The following PHEX variants were observed in gnomAD, a reference collection of about 807,000 sequenced individuals.
PHEX encodes the protein phosphate regulating endopeptidase X-linked, also known as phosphate-regulating neutral endopeptidase PHEX.
A neutral mutation model predicts 68.0 loss-of-function variants in PHEX; 16 were observed. The ratio of observed to expected loss-of-function variants is 0.24; its 90% CI spans 0.16 to 0.36. PHEX has a LOEUF of 0.36. PHEX is among the 10% of genes least tolerant of loss of function. The pLI is 1.00. For synonymous variants in PHEX, 208 were observed against 205.1 expected, an observed-to-expected ratio of 1.01 and a Z score of -0.12; for missense variants, 480 against 575.5, an observed-to-expected ratio of 0.83 and a Z score of 1.70.
chrX:22,230,565 TTGGCTCTC>T (rs1314154996), intron 20 of PHEX, among the ~76,000 whole-genome samples: 1 of 109,907 alleles, frequency 9.1e-6, no homozygotes, highest in Non-Finnish European at 1.9e-5. Flanking sequence ...GACTCATGAT[TTGGCTCTC>T]TGTTTGTCTG....
At chrX:22,224,084 G>GTGAT in intron 18 of PHEX, among the ~76,000 whole-genome samples, 1 of 111,736 alleles carries the variant, frequency 8.9e-6, no homozygotes, top group African/African-American at 3.2e-5. Flanking sequence ...CCTGGTTCAA[G>GTGAT]TGATTCTCCT....
At chrX:22,129,087 T>C (rs2147081004) in intron 11 of PHEX, among the ~76,000 whole-genome samples, 1 of 111,224 alleles carries the variant, frequency 9.0e-6, no homozygotes, top group African/African-American at 3.3e-5. Flanking sequence ...ATTGAACTCA[T>C]GCATGTACTT....
intron 2 of PHEX, among the ~76,000 whole-genome samples, chrX:22,040,382 C>T (rs1020010723): frequency 2.7e-5 from 3 of 111,494 alleles, no homozygotes; most frequent in African/African-American, 9.8e-5. Flanking sequence ...TGACACGTGC[C>T]TTTAGTTCCA....
At chrX:22,132,260 C>T (rs909731300) in intron 11 of PHEX, among the ~76,000 whole-genome samples, 2 of 110,728 alleles carry the variant, frequency 1.8e-5, no homozygotes, top group African/African-American at 6.6e-5. Context: ...CGCCACCATG[C>T]CTGGCCTTTA....
chrX:22,055,174 C>CAAAA (rs111628195), intron 3 of PHEX, among the ~76,000 whole-genome samples: 16 of 66,084 alleles, frequency 2.4e-4, no homozygotes, highest in Non-Finnish European at 3.6e-4. Context: ...GACTCCAGCT[C>CAAAA]AAAAAAAAAA....
intron 2 of PHEX, among the ~76,000 whole-genome samples, chrX:22,039,852 C>A (rs752928967): frequency 8.9e-6 from 1 of 111,809 alleles, no homozygotes; most frequent in East Asian, 2.8e-4. Context: ...ATGAGAATTG[C>A]TTGAGCCCAG....
chrX:22,124,440 C>T (rs1004723173), intron 11 of PHEX, among the ~76,000 whole-genome samples: 1 of 111,871 alleles, frequency 8.9e-6, no homozygotes, highest in Non-Finnish European at 1.9e-5. Flanking sequence ...CAGCCACAGT[C>T]TTGTCAAGCA....
chrX:22,236,129 A>G (rs1935970203), intron 20 of PHEX, among the ~76,000 whole-genome samples: 2 of 111,668 alleles, frequency 1.8e-5, no homozygotes, highest in Middle Eastern at 4.6e-3. Flanking sequence ...TTCTCCTTCT[A>G]TAATGCAACC....
chrX:22,142,218 C>T (rs934205429), intron 12 of PHEX, among the ~76,000 whole-genome samples: 3 of 112,115 alleles, frequency 2.7e-5, no homozygotes, highest in African/African-American at 9.7e-5. Context: ...CGCCGCTGCA[C>T]TCCAGCCTGG....
At position 22,249,452 on chromosome X, in the gene PHEX, AAAAATATATATATATATAT is replaced by A. The variant is rs1003737178; in HGVS notation, c.*1501_*1519del. 2 of 40,642 alleles carry A rather than the reference AAAAATATATATATATATAT, an allele frequency of 4.9e-5. No individual in the cohort carries two copies. The highest frequency in any genetic ancestry group is 2.3e-4 in the African/African-American group (2 of 8,857). The allele number at this position is 40,642 out of a possible 1,213,427, so 3.3% of individuals were successfully genotyped here. ...GATTTGTGATTCTTTTAAAAAAAAA[AAAAATATATATATATATAT>A]ATATATATATATATATGTATATCTA... On this transcript the variant is annotated 3_prime_UTR_variant, in exon 22 of 22. Transcript: ENST00000379374.
intron 15 of PHEX, among the ~76,000 whole-genome samples, chrX:22,195,919 G>A (rs1934353618): frequency 8.9e-6 from 1 of 111,938 alleles, no homozygotes; most frequent in Non-Finnish European, 1.9e-5. Context: ...GCTCACGCTT[G>A]TAATCCCAGC....
intron 14 of PHEX, among the ~76,000 whole-genome samples, chrX:22,179,844 C>T (rs1002587772): frequency 2.7e-5 from 3 of 111,191 alleles, no homozygotes. Flanking sequence ...AATATGTGGG[C>T]TCAAACTAAC....
intron 18 of PHEX, among the ~76,000 whole-genome samples, chrX:22,224,986 T>TGTATGATTTATTATCATACAGCG (rs1260080448): frequency 0.025 from 1,082 of 43,193 alleles, 154 homozygotes; most frequent in African/African-American, 0.036. Flanking sequence ...ATCATACAGC[T>TGTATGATTTATTATCATACAGCG]CTGTATGTCA....
intron 5 of PHEX, among the ~76,000 whole-genome samples, chrX:22,084,441 G>A (rs1208544614): frequency 9.0e-6 from 1 of 110,949 alleles, no homozygotes; most frequent in East Asian, 2.8e-4. Context: ...AGTCATATTG[G>A]CTGGTAGTTT....
At position 22,090,489 on chromosome X, in the gene PHEX, G is replaced by A. The variant is rs760319054; in HGVS notation, c.724G>A (p.Ala242Thr). The A allele has an allele frequency of 4.2e-6, 5 of 1,191,891 alleles. No homozygotes were observed. The highest frequency in any genetic ancestry group is 5.7e-6 in the Non-Finnish European group (5 of 877,234). The change falls in exon 6 of 22, where the codon GCC (alanine) becomes ACC (threonine). Residue 242 changes from alanine to threonine, a missense_variant. Coordinates refer to ENST00000379374, the MANE Select transcript of PHEX (RefSeq NM_000444.6). The stretch of plus-strand genomic sequence containing the variant: ...AGACTACCTTGATAACAGTACAGAA[G>A]CCAAGTCTGTAAGTTTTACTCATAT... The part of the protein sequence containing the change: ...REDYLDNSTE[A>T]KSYRDALYKF...
intron 5 of PHEX, among the ~76,000 whole-genome samples, chrX:22,078,819 A>G (rs921148383): frequency 1.8e-5 from 2 of 111,880 alleles, no homozygotes; most frequent in Non-Finnish European, 3.8e-5. Context: ...CCTCTAGGTT[A>G]GACAATGGAA....
chrX:22,073,411 G>A (rs893969877), intron 3 of PHEX, among the ~76,000 whole-genome samples: 2 of 111,387 alleles, frequency 1.8e-5, no homozygotes, highest in East Asian at 2.8e-4. Context: ...TAAATAACTC[G>A]CTCGAATTCC....
At chrX:22,178,941 G>A (rs900113382) in intron 14 of PHEX, among the ~76,000 whole-genome samples, 2 of 111,798 alleles carry the variant, frequency 1.8e-5, no homozygotes, top group African/African-American at 6.5e-5. Context: ...GAGCCCACCA[G>A]CTACGATTTC....
At position 22,250,196 on chromosome X, in the gene PHEX, A is replaced by C; in HGVS notation, c.*2243A>C. 8.9e-6 allele frequency: 1 copy of C among 112,440 alleles called. No homozygotes were observed. The highest frequency in any genetic ancestry group is 1.9e-5 in the Non-Finnish European group (1 of 53,302). The allele number at this position is 112,440 out of a possible 1,213,427, so 9.3% of individuals were successfully genotyped here. Reference sequence around the variant, plus strand: ...TGAGAAGGATTGAATTTCCAAATACATGCTTATGTTTAACTCAACTCTTCC... The same window carrying C: ...TGAGAAGGATTGAATTTCCAAATACCTGCTTATGTTTAACTCAACTCTTCC... On this transcript the variant is annotated 3_prime_UTR_variant, in exon 22 of 22. Transcript: ENST00000379374.
Sources: allele counts gnomAD v4.1 joint callset (sites outside exome capture counted in the v4.1 genomes callset), GRCh38; gene constraint gnomAD v4.1.1; transcripts MANE v1.5; gene names NCBI Gene and HGNC (gene_info 2026-07-23, HGNC 2026-07-21).